The following FHIT variants were observed in gnomAD, a reference collection of about 807,000 sequenced individuals.
The protein encoded by FHIT is bis(5'-adenosyl)-triphosphatase.
A neutral mutation model predicts 17.9 loss-of-function variants in FHIT; 19 were observed. That is an observed-to-expected ratio of 1.06 (90% CI 0.74 to 1.56). The LOEUF (loss-of-function observed/expected upper bound fraction) is 1.56. Among genes scored for constraint, FHIT ranks in the 40% most tolerant of loss-of-function variants. The pLI, the probability that FHIT is intolerant of heterozygous loss-of-function variation, is 0.00. For synonymous variants in FHIT, 81 were observed against 69.7 expected (o/e 1.16, Z -0.81); for missense variants, 248 against 189.2 (o/e 1.31, Z -1.82).
chr3:59,932,738 C>A (rs892754905), intron 7 of FHIT, among the ~76,000 whole-genome samples: 1 of 151,938 alleles, frequency 6.6e-6, no homozygotes, highest in Non-Finnish European at 1.5e-5. Flanking sequence ...CTGTAATAGA[C>A]CTAAACAGGA....
chr3:60,986,655 A>C (rs1000784221), intron 3 of FHIT, among the ~76,000 whole-genome samples: 2 of 152,058 alleles, frequency 1.3e-5, no homozygotes, highest in Non-Finnish European at 2.9e-5. Flanking sequence ...TCTCAAACCA[A>C]ATTTGTGTAG....
At chr3:61,186,136 A>T (rs770390594) in intron 2 of FHIT, among the ~76,000 whole-genome samples, 1 of 152,204 alleles carries the variant, frequency 6.6e-6, no homozygotes, top group Non-Finnish European at 1.5e-5. Context: ...TGTAGCGGGT[A>T]TAAGTACTCA....
At chr3:60,791,693 G>A (rs1339012477) in intron 4 of FHIT, among the ~76,000 whole-genome samples, 1 of 152,160 alleles carries the variant, frequency 6.6e-6, no homozygotes, top group Admixed American at 6.5e-5. Flanking sequence ...AACTTGATGA[G>A]CTAAAAAATA....
intron 5 of FHIT, among the ~76,000 whole-genome samples, chr3:60,205,040 G>A (rs1217777185): frequency 4.0e-5 from 6 of 150,728 alleles, no homozygotes; most frequent in Non-Finnish European, 7.4e-5. Context: ...AGGTTACAGC[G>A]AGCCAATATC....
At chr3:60,831,256 T>C (rs759975719) in intron 3 of FHIT, among the ~76,000 whole-genome samples, 7 of 152,282 alleles carry the variant, frequency 4.6e-5, no homozygotes, top group Non-Finnish European at 8.8e-5. Flanking sequence ...CATATGTTTT[T>C]AGGAGGTAAG....
At chr3:60,352,320 T>C (rs1699446585) in intron 5 of FHIT, among the ~76,000 whole-genome samples, 1 of 152,058 alleles carries the variant, frequency 6.6e-6, no homozygotes, top group African/African-American at 2.4e-5. Flanking sequence ...AGGTAAAAGA[T>C]TCATACAAAA....
chr3:61,025,792 T>G (rs936143855), intron 3 of FHIT, among the ~76,000 whole-genome samples: 1 of 152,156 alleles, frequency 6.6e-6, no homozygotes, highest in Non-Finnish European at 1.5e-5. Flanking sequence ...AGGAAAAGGT[T>G]TGGTGATTCT....
chr3:60,718,314 A>G (rs1248530144), intron 4 of FHIT, among the ~76,000 whole-genome samples: 1 of 152,232 alleles, frequency 6.6e-6, no homozygotes, highest in Non-Finnish European at 1.5e-5. Context: ...ATGTCTCGTA[A>G]TGATCCTATT....
chr3:60,561,034 C>T (rs890554494), intron 4 of FHIT, among the ~76,000 whole-genome samples: 3 of 151,980 alleles, frequency 2.0e-5, no homozygotes, highest in Non-Finnish European at 4.4e-5. Context: ...ACCCAACAAA[C>T]ATCAGCTGAA....
At chr3:60,526,375 T>C (rs1301633462) in intron 5 of FHIT, among the ~76,000 whole-genome samples, 1 of 152,002 alleles carries the variant, frequency 6.6e-6, no homozygotes, top group Non-Finnish European at 1.5e-5. Context: ...CCCAATCCCC[T>C]CTCTGGAGAG....
chr3:60,551,310 A>G (rs1294673942), intron 4 of FHIT, among the ~76,000 whole-genome samples: 2 of 150,026 alleles, frequency 1.3e-5, no homozygotes, highest in African/African-American at 2.5e-5. Flanking sequence ...ACTTTCAAAA[A>G]AAGATTTTAC....
chr3:60,625,870 T>C (rs2039270748), intron 4 of FHIT, among the ~76,000 whole-genome samples: 2 of 152,224 alleles, frequency 1.3e-5, no homozygotes, highest in Non-Finnish European at 2.9e-5. Flanking sequence ...TTTTATAGTT[T>C]TAGCTTTTAC....
intron 4 of FHIT, among the ~76,000 whole-genome samples, chr3:60,572,246 A>G (rs1008835696): frequency 6.6e-6 from 1 of 150,434 alleles, no homozygotes; most frequent in Non-Finnish European, 1.5e-5. Context: ...GTGCATGCAT[A>G]TACACACACA....
chr3:59,926,245 T>C (rs1375172225), intron 7 of FHIT, among the ~76,000 whole-genome samples: 1 of 152,226 alleles, frequency 6.6e-6, no homozygotes, highest in African/African-American at 2.4e-5. Context: ...ACTTATTTGA[T>C]TGTGGAGTCC....
intron 4 of FHIT, among the ~76,000 whole-genome samples, chr3:60,756,439 G>A (rs565863236): frequency 6.6e-6 from 1 of 152,298 alleles, no homozygotes; most frequent in East Asian, 1.9e-4. Flanking sequence ...TCTGCAATTC[G>A]TCATGGGCAT....
At chr3:60,812,862 A>T (rs1701615302) in intron 4 of FHIT, among the ~76,000 whole-genome samples, 1 of 152,206 alleles carries the variant, frequency 6.6e-6, no homozygotes, top group African/African-American at 2.4e-5. Context: ...TAGTTGTATG[A>T]CATTGGACAA....
intron 8 of FHIT, among the ~76,000 whole-genome samples, chr3:59,799,396 C>T (rs1031076409): frequency 7.0e-6 from 1 of 142,698 alleles, no homozygotes; most frequent in African/African-American, 2.5e-5. Context: ...AGGGCACGGA[C>T]GTTTGGTTTC....
rs35183064 is a variant in FHIT at position 60,911,371 on chromosome 3, GCA to G, written c.-110-89362_-110-89361del. On this transcript the variant is annotated intron_variant, in intron 3 of 9. Transcript: ENST00000492590. ...AGAGTTCCATTTAAATTCTTTGCAT[GCA>G]CACACACACACACACACACACACAC... is the stretch of plus-strand genomic sequence containing the variant. Among the ~76,000 whole-genome samples the G allele has an allele frequency of 9.0e-3, 1,344 of 148,996 alleles. 52 individuals carry two copies. Among genetic ancestry groups the G allele is most frequent in the Admixed American group, 0.057 (846 of 14,924 alleles).
intron 5 of FHIT, among the ~76,000 whole-genome samples, chr3:60,440,765 G>C (rs1365837221): frequency 6.6e-6 from 1 of 151,972 alleles, no homozygotes; most frequent in Non-Finnish European, 1.5e-5. Flanking sequence ...TCTGGAATCT[G>C]TCATTTCAGT....
Sources: allele counts gnomAD v4.1 joint callset (sites outside exome capture counted in the v4.1 genomes callset), GRCh38; gene constraint gnomAD v4.1.1; transcripts MANE v1.5; gene names NCBI Gene and HGNC (gene_info 2026-07-23, HGNC 2026-07-21).